The following GPATCH1 variants were observed in gnomAD, a reference collection of about 807,000 sequenced individuals.
GPATCH1 encodes G patch domain-containing protein 1.
In GPATCH1, 73 loss-of-function variants were observed where a neutral mutation model predicts 114.9. That is an observed-to-expected ratio of 0.64 (90% CI 0.53 to 0.77). The LOEUF (loss-of-function observed/expected upper bound fraction) is 0.77. Among genes scored for constraint, GPATCH1 ranks in the 30% least tolerant of loss-of-function variants. The probability of loss-of-function intolerance (pLI) is 0.00; values close to 1 mark genes in which losing one functional copy is unlikely to be tolerated. For missense variants in GPATCH1, 1,058 were observed against 1,144.3 expected, an observed-to-expected ratio of 0.92 and a Z score of 1.09; for synonymous variants, 391 against 428.4, an observed-to-expected ratio of 0.91 and a Z score of 1.08.
intron 17 of GPATCH1, among the ~76,000 whole-genome samples, chr19:33,121,113 TTTTATTTA>T (rs1025477063): frequency 1.3e-5 from 2 of 151,426 alleles, no homozygotes; most frequent in African/African-American, 4.8e-5. Flanking sequence ...ATTTTTAAAA[TTTTATTTA>T]TTTATTTATT....
chr19:33,101,731 T>C (rs1225947993), intron 9 of GPATCH1, among the ~76,000 whole-genome samples, 157 bp downstream of exon 9: 1 of 152,186 alleles, frequency 6.6e-6, no homozygotes, highest in African/African-American at 2.4e-5. Flanking sequence ...AAAAACATTC[T>C]ACATTAGAAA....
intron 8 of GPATCH1, among the ~76,000 whole-genome samples, chr19:33,099,667 C>T (rs575967096): frequency 6.6e-5 from 10 of 151,546 alleles, no homozygotes; most frequent in South Asian, 2.1e-4. Flanking sequence ...GGCATGATCT[C>T]GGCTCACTGC....
Position 33,130,528 on chromosome 19 carries a change from G to T in GPATCH1, c.*368G>T. On this transcript the variant is annotated 3_prime_UTR_variant, in exon 20 of 20. Transcript: ENST00000170564. ...TCACTGAAGGACAAGCGTGTGAGAA[G>T]GGGCGGTTGCGGCCCCTCCTGCCGT... is the stretch of plus-strand genomic sequence containing the variant. 1 of 173,398 alleles carries T rather than the reference G, an allele frequency of 5.8e-6. No homozygotes were observed. 10.7% of individuals were successfully genotyped at this position (173,398 alleles called of 1,614,324 possible).
At chr19:33,111,403 AAAAG>A (rs1347457639) in intron 11 of GPATCH1, among the ~76,000 whole-genome samples, 2 of 151,024 alleles carry the variant, frequency 1.3e-5, no homozygotes, top group South Asian at 2.1e-4. Context: ...AAAAAAAAAA[AAAAG>A]AGAGATGGGG....
chr19:33,120,672 G>A (rs1008581559), intron 17 of GPATCH1, among the ~76,000 whole-genome samples: 7 of 151,828 alleles, frequency 4.6e-5, no homozygotes, highest in African/African-American at 1.7e-4. Flanking sequence ...CCCAGCCTGG[G>A]TGACACAGGG....
chr19:33,100,267 A>C (rs570975212), intron 8 of GPATCH1: 140 of 152,214 alleles, frequency 9.2e-4, no homozygotes, highest in African/African-American at 3.3e-3. Context: ...TTACCTGAAG[A>C]AATTTTAGTA....
intron 10 of GPATCH1, among the ~76,000 whole-genome samples, chr19:33,108,931 G>T (rs1177748443): frequency 1.3e-5 from 2 of 152,172 alleles, no homozygotes; most frequent in African/African-American, 4.8e-5. Flanking sequence ...TATAAAACAG[G>T]AATCTTGGCT....
intron 19 of GPATCH1, among the ~76,000 whole-genome samples, chr19:33,128,922 T>C (rs1599869941): frequency 1.3e-5 from 2 of 152,154 alleles, no homozygotes; most frequent in South Asian, 2.1e-4. Flanking sequence ...CTGTTTCAAA[T>C]AGAACTGCCA....
In GPATCH1 at chr19:33,109,412, G is replaced by A. The variant is rs186356372; in HGVS notation, c.1286-305G>A. ...ACATGCCTGTAGTCCCGGCTACTCG[G>A]TGGGGATGAGACAGGAGAATTGCTT... is the stretch of plus-strand genomic sequence containing the variant. On this transcript the variant is annotated intron_variant, in intron 10 of 19. Transcript: ENST00000170564. 8.6e-3 allele frequency among the ~76,000 whole-genome samples: 1,315 copies of A among 152,124 alleles called. 14 individuals are homozygous for A. Among genetic ancestry groups the A allele is most frequent in the African/African-American group, 0.03 (1,258 of 41,478 alleles).
At chr19:33,124,409 C>G (rs1412988731) in intron 17 of GPATCH1, among the ~76,000 whole-genome samples, 2 of 150,442 alleles carry the variant, frequency 1.3e-5, no homozygotes, top group Non-Finnish European at 3.0e-5. Flanking sequence ...CTCCTGAGGT[C>G]AAGGATCCTC....
chr19:33,120,471 A>G (rs1292376782), intron 17 of GPATCH1, among the ~76,000 whole-genome samples: 1 of 146,844 alleles, frequency 6.8e-6, no homozygotes, highest in Non-Finnish European at 1.5e-5. Flanking sequence ...TGAACCTGAG[A>G]GGCAAAGGTT....
chr19:33,119,221 G>T, intron 17 of GPATCH1, 104 bp downstream of exon 17: 1 of 564,434 alleles, frequency 1.8e-6, no homozygotes, highest in Non-Finnish European at 3.1e-6. Context: ...GCTTGCTTCT[G>T]GTTTATATGT....
intron 2 of GPATCH1, among the ~76,000 whole-genome samples, chr19:33,088,489 G>A (rs776985086): frequency 6.6e-6 from 1 of 150,896 alleles, no homozygotes; most frequent in Non-Finnish European, 1.5e-5. Context: ...GATAACAGGC[G>A]CATGCCACTA....
At chr19:33,105,347 G>T (rs186897268) in intron 9 of GPATCH1, among the ~76,000 whole-genome samples, 2 of 146,904 alleles carry the variant, frequency 1.4e-5, no homozygotes, top group African/African-American at 5.0e-5. Context: ...CAGGAGAATT[G>T]CATACCCAGA....
At chr19:33,129,663 A>G (rs1404941794) in intron 19 of GPATCH1, among the ~76,000 whole-genome samples, 1 of 151,054 alleles carries the variant, frequency 6.6e-6, no homozygotes, top group African/African-American at 2.4e-5. Flanking sequence ...AAGAACACAG[A>G]TTGGCCGGGT....
intron 2 of GPATCH1, among the ~76,000 whole-genome samples, chr19:33,089,769 C>T (rs1045669710): frequency 1.3e-5 from 2 of 150,690 alleles, no homozygotes; most frequent in African/African-American, 5.0e-5. Context: ...TACAGGTGCC[C>T]GCCACCACAC....
chr19:33,117,960 G>A lies in GPATCH1; in HGVS notation c.2332G>A (p.Asp778Asn). The A allele has an allele frequency of 6.2e-7, 1 of 1,613,928 alleles. No individual in the cohort carries two copies. The highest frequency in any genetic ancestry group is 8.5e-7 in the Non-Finnish European group (1 of 1,179,994). Residue 778 changes from aspartate to asparagine, a missense_variant, in exon 16 of 20, where the codon GAT (aspartate) becomes AAT (asparagine). Asp to Asn is a conservative substitution (Grantham distance 23, BLOSUM62 1). Coordinates refer to ENST00000170564, the MANE Select transcript of GPATCH1 (RefSeq NM_018025.3). ...CGAGGATGAGCAAGGTGACAGTGAA[G>A]ATGATCAGGCAGGCTCTGGGGAGGC... Reference protein sequence around the residue: ...SSEDEQGDSEDDQAGSGEANF... With the variant: ...SSEDEQGDSENDQAGSGEANF...
chr19:33,095,502 T>A (rs911720354), intron 5 of GPATCH1, among the ~76,000 whole-genome samples: 9 of 151,898 alleles, frequency 5.9e-5, no homozygotes, highest in African/African-American at 2.2e-4. Flanking sequence ...GACCTTGTGA[T>A]CCACCCCGCC....
chr19:33,111,974 C>CT lies in GPATCH1; in HGVS notation c.1764+72_1764+73insT, dbSNP rs540183419. ...CACTGCCTAGCCAAAATAGTTTTTT[C>CT]CTTTTTTTTGAGACGGAGTCTCTCT... On this transcript the variant is annotated intron_variant, in intron 12 of 19. Coordinates refer to ENST00000170564, the MANE Select transcript of GPATCH1 (RefSeq NM_018025.3). 2,209 of 1,235,134 alleles carry CT rather than the reference C, an allele frequency of 1.8e-3. 29 individuals are homozygous for CT. The African/African-American group carries it at 0.028, about 16-fold the overall frequency. The allele number at this position is 1,235,134 out of a possible 1,614,324, so 76.5% of individuals were successfully genotyped here.
Sources: gnomAD v4.1 joint callset for allele counts (sites outside exome capture counted in the v4.1 genomes callset) on GRCh38, gnomAD v4.1.1 for gene constraint, MANE v1.5 for transcripts, NCBI Gene and HGNC (gene_info 2026-07-23, HGNC 2026-07-21) for gene names.